Variants in DCBLD1 observed in about 807,000 individuals in gnomAD.
DCBLD1 encodes discoidin, CUB and LCCL domain-containing protein 1.
A neutral mutation model predicts 71.5 loss-of-function variants in DCBLD1; 57 were observed. The ratio of observed to expected loss-of-function variants is 0.80; its 90% CI spans 0.64 to 0.99. The LOEUF (loss-of-function observed/expected upper bound fraction) is 0.99. Among genes scored for constraint, DCBLD1 ranks in the 50% least tolerant of loss-of-function variants. The pLI, the probability that DCBLD1 is intolerant of heterozygous loss-of-function variation, is 0.00. For synonymous variants in DCBLD1, 380 were observed against 363.8 expected, an observed-to-expected ratio of 1.04 and a Z score of -0.51; for missense variants, 891 against 923.5, an observed-to-expected ratio of 0.96 and a Z score of 0.46.
intron 6 of DCBLD1, 29 bp from the exon 7 acceptor site, chr6:117,537,156 C>G (rs1778908479): frequency 6.2e-6 from 10 of 1,613,558 alleles, no homozygotes; most frequent in Non-Finnish European, 8.5e-6. Flanking sequence ...GAGCAACTTA[C>G]CTTCTCATGT....
intron 4 of DCBLD1, among the ~76,000 whole-genome samples, chr6:117,521,778 GT>G (rs1778395189): frequency 6.6e-6 from 1 of 152,136 alleles, no homozygotes; most frequent in African/African-American, 2.4e-5. Flanking sequence ...AATATTTCAG[GT>G]TTTCCAGGCC....
Position 117,482,795 on chromosome 6 carries a change from C to T in DCBLD1, c.14C>T (p.Ala5Val). 13 of 1,146,472 alleles carry T rather than the reference C, an allele frequency of 1.1e-5. No individual in the cohort carries two copies. Among genetic ancestry groups the T allele is most frequent in the Non-Finnish European group, 1.4e-5 (13 of 933,798 alleles). 71.0% of individuals were successfully genotyped at this position (1,146,472 alleles called of 1,614,324 possible). A position where few individuals can be genotyped will look rare whatever the true frequency, so the allele number is the denominator to read the frequency against. Residue 5 changes from alanine to valine, a missense_variant, in exon 1 of 15, where the codon GCC becomes GTC. Transcript: ENST00000338728. ...CCCAGCGGGGTCATGGTGCCCGGCG[C>T]CCGCGGCGGCGGCGCACTGGCGCGG... MVPG[A>V]RGGGALARAA...
intron 6 of DCBLD1, among the ~76,000 whole-genome samples, chr6:117,534,435 T>G (rs2114530335): frequency 6.6e-6 from 1 of 152,322 alleles, no homozygotes; most frequent in South Asian, 2.1e-4. Context: ...TGTTTTTTGA[T>G]GGTTTCTTCT....
At chr6:117,537,093 G>A (rs1778906073) in intron 6 of DCBLD1, 92 bp from the exon 7 acceptor site, 2 of 1,281,522 alleles carry the variant, frequency 1.6e-6, no homozygotes, top group Admixed American at 1.7e-5. Context: ...AGCACAGGTG[G>A]GAAAGTTCTG....
chr6:117,532,505 C>A, intron 6 of DCBLD1, 112 bp downstream of exon 6: 1 of 1,355,564 alleles, frequency 7.4e-7, no homozygotes, highest in South Asian at 1.7e-5. Context: ...AAGGGTTTGT[C>A]AACTGGAAAA....
chr6:117,506,030 G>A (rs1019367263), intron 2 of DCBLD1, among the ~76,000 whole-genome samples: 50 of 152,096 alleles, frequency 3.3e-4, no homozygotes, highest in African/African-American at 1.2e-3. Flanking sequence ...TAAATTGAAC[G>A]TTTGTCTTTT....
At chr6:117,489,014 G>T (rs1777189285) in intron 1 of DCBLD1, among the ~76,000 whole-genome samples, 1 of 152,156 alleles carries the variant, frequency 6.6e-6, no homozygotes, top group African/African-American at 2.4e-5. Context: ...TTGCAGAAAT[G>T]CCTTGTGTCT....
At chr6:117,555,827 G>GA (rs1779488726) in intron 14 of DCBLD1, among the ~76,000 whole-genome samples, 1 of 152,102 alleles carries the variant, frequency 6.6e-6, no homozygotes, top group Admixed American at 6.5e-5. Context: ...GGCAAGCATG[G>GA]AAAAAATAAA....
At chr6:117,497,126 C>A (rs1035665362) in intron 1 of DCBLD1, among the ~76,000 whole-genome samples, 1 of 152,020 alleles carries the variant, frequency 6.6e-6, no homozygotes, top group African/African-American at 2.4e-5. Context: ...ACCTGGGAGG[C>A]GGAGGTCAGT....
rs564740952 is a variant in DCBLD1, at chr6:117,522,201, A to G, written c.512+625A>G. On this transcript the variant is annotated intron_variant, in intron 4 of 14. Transcript: ENST00000338728. ...ATCAAGTAAAACAGTCTAAAGCAGA[A>G]TTTCTTAGCCTTGGCACTATTGATA... Among the ~76,000 whole-genome samples, 7 of 152,318 alleles carry G rather than the reference A, an allele frequency of 4.6e-5. No individual in the cohort carries two copies. In the East Asian group the frequency reaches 1.2e-3, roughly 25 times the overall value.
intron 1 of DCBLD1, chr6:117,485,156 T>G (rs184601112): frequency 6.6e-6 from 1 of 152,260 alleles, no homozygotes; most frequent in Non-Finnish European, 1.5e-5. Flanking sequence ...TTAGTCCAAA[T>G]TTATTACCTT....
intron 11 of DCBLD1, 105 bp from the exon 12 acceptor site, chr6:117,543,019 A>C: frequency 1.1e-6 from 1 of 905,914 alleles, no homozygotes; most frequent in South Asian, 1.5e-5. Context: ...TTTTCCCCCT[A>C]TATTAAATGC....
intron 1 of DCBLD1, among the ~76,000 whole-genome samples, chr6:117,497,797 G>C (rs972364799): frequency 2.0e-5 from 3 of 152,098 alleles, no homozygotes; most frequent in African/African-American, 7.2e-5. Flanking sequence ...GTAGCCTTTA[G>C]TGTTACAAAG....
chr6:117,517,663 C>T (rs1778247994), intron 2 of DCBLD1, among the ~76,000 whole-genome samples: 1 of 152,192 alleles, frequency 6.6e-6, no homozygotes, highest in African/African-American at 2.4e-5. Flanking sequence ...TCCCAAACCC[C>T]AATTCTTGAC....
At chr6:117,566,578 C>CA (rs1779701683) in intron 14 of DCBLD1, among the ~76,000 whole-genome samples, 1 of 152,176 alleles carries the variant, frequency 6.6e-6, no homozygotes, top group African/African-American at 2.4e-5. Flanking sequence ...GTCTTTGTTT[C>CA]AGAGTCTAGA....
chr6:117,517,156 CTAGATA>C (rs1483114294), intron 2 of DCBLD1, among the ~76,000 whole-genome samples: 101 of 152,336 alleles, frequency 6.6e-4, no homozygotes, highest in Non-Finnish European at 3.2e-4. Flanking sequence ...TAATTACTTC[CTAGATA>C]CAATGTGGGT....
Position 117,503,892 on chromosome 6 carries a change from C to CT in DCBLD1, c.239dup (p.Ile81AspfsTer17). Reference sequence around the variant, plus strand: ...AATTACAGTACCAAAGGGGAAAAGACTGATTCTGAGGTTGGGAGATTTGGA... The same window carrying CT: ...AATTACAGTACCAAAGGGGAAAAGACTTGATTCTGAGGTTGGGAGATTTGGA... On this transcript the variant is annotated frameshift_variant, in exon 2 of 15. Coordinates refer to ENST00000338728, the MANE Select transcript of DCBLD1 (RefSeq NM_001366458.2). LOFTEE classifies it high-confidence loss of function. 1.9e-6 allele frequency: 3 copies of CT among 1,614,166 alleles called. No homozygotes were observed. Among genetic ancestry groups the CT allele is most frequent in the Non-Finnish European group, 2.5e-6 (3 of 1,180,004 alleles).
At chr6:117,567,063 C>A in intron 14 of DCBLD1, 7 of 1,499,344 alleles carry the variant, frequency 4.7e-6, no homozygotes, top group Non-Finnish European at 6.3e-6. Flanking sequence ...ATGAGAAAGT[C>A]AAGTTATTGT....
chr6:117,539,595 A>T (rs1779020137), intron 9 of DCBLD1: 1 of 381,034 alleles, frequency 2.6e-6, no homozygotes, highest in East Asian at 6.2e-5. Context: ...CTACAAAAAA[A>T]AATTTTTAAT....
Sources: gnomAD v4.1 joint callset for allele counts (sites outside exome capture counted in the v4.1 genomes callset) on GRCh38, gnomAD v4.1.1 for gene constraint, MANE v1.5 for transcripts, NCBI Gene and HGNC (gene_info 2026-07-23, HGNC 2026-07-21) for gene names.